ASB5: variants seen among roughly 807,000 people sequenced by gnomAD.
ASB5 encodes ankyrin repeat and SOCS box protein 5.
A neutral mutation model predicts 42.1 loss-of-function variants in ASB5; 45 were observed. The observed-to-expected ratio is 1.07, with a 90% confidence interval of 0.84 to 1.37. The LOEUF (loss-of-function observed/expected upper bound fraction) is 1.37, where lower values mean the gene tolerates loss of function less well. Among genes scored for constraint, ASB5 ranks in the 40% most tolerant of loss-of-function variants. ASB5 has a pLI of 0.00. For missense variants in ASB5, 402 were observed against 399.8 expected (o/e 1.01, Z -0.05); for synonymous variants, 147 against 150.6 (o/e 0.98, Z 0.18).
upstream of ASB5, among the ~76,000 whole-genome samples, chr4:176,273,415 C>G (rs1004879597): frequency 6.6e-6 from 1 of 151,964 alleles, no homozygotes; most frequent in Non-Finnish European, 1.5e-5. Context: ...TAAAACACTA[C>G]TGAAAACATA....
chr4:176,221,038 G>T, intron 5 of ASB5, 117 bp downstream of exon 5: 1 of 1,276,022 alleles, frequency 7.8e-7, no homozygotes, highest in Non-Finnish European at 1.0e-6. Flanking sequence ...GTGTGAAAAT[G>T]CTTAAAATAA....
intron 1 of ASB5, among the ~76,000 whole-genome samples, chr4:176,242,977 A>G (rs1042682310): frequency 5.3e-5 from 8 of 152,164 alleles, no homozygotes; most frequent in African/African-American, 1.7e-4. Flanking sequence ...CTGTTTTTGT[A>G]AATAAAGTTT....
At chr4:176,223,484 G>C (rs931288472) in intron 2 of ASB5, among the ~76,000 whole-genome samples, 1 of 152,140 alleles carries the variant, frequency 6.6e-6, no homozygotes, top group Admixed American at 6.5e-5. Context: ...ATTAGGATGT[G>C]AGATTGTTTG....
intron 1 of ASB5, among the ~76,000 whole-genome samples, chr4:176,276,655 TC>T (rs1247033637): frequency 8.5e-5 from 13 of 152,170 alleles, no homozygotes; most frequent in African/African-American, 3.1e-4. Flanking sequence ...ATAAAACATA[TC>T]CCACACTGGC....
chr4:176,238,218 A>C (rs1330855630), intron 1 of ASB5, among the ~76,000 whole-genome samples: 1 of 151,814 alleles, frequency 6.6e-6, no homozygotes, highest in Non-Finnish European at 1.5e-5. Flanking sequence ...AAAAAAAAAA[A>C]AAAAAAAAAG....
intron 1 of ASB5, among the ~76,000 whole-genome samples, chr4:176,228,596 A>C (rs1753441955): frequency 2.0e-5 from 3 of 152,170 alleles, no homozygotes; most frequent in South Asian, 4.1e-4. Flanking sequence ...TTTCATTTGC[A>C]ACAAGTTACT....
At chr4:176,244,405 T>G (rs4690671) in intron 1 of ASB5, among the ~76,000 whole-genome samples, 138,656 of 152,228 alleles carry the variant, frequency 0.91, 63,341 homozygotes, top group Non-Finnish European at 0.93. Context: ...CTATAGCACT[T>G]AATAAAAATA....
At chr4:176,256,536 TATGAG>T in intron 1 of ASB5, among the ~76,000 whole-genome samples, 1 of 152,228 alleles carries the variant, frequency 6.6e-6, no homozygotes. Flanking sequence ...TCAATGATTC[TATGAG>T]ATAATTCCAT....
chr4:176,233,797 A>T (rs1198524323), intron 1 of ASB5, among the ~76,000 whole-genome samples: 1 of 152,174 alleles, frequency 6.6e-6, no homozygotes, highest in African/African-American at 2.4e-5. Context: ...CCCCAATTTT[A>T]GGTTTGGCTG....
chr4:176,233,312 C>A (rs1309654063), intron 1 of ASB5, among the ~76,000 whole-genome samples: 1 of 152,136 alleles, frequency 6.6e-6, no homozygotes, highest in Non-Finnish European at 1.5e-5. Context: ...AATTTAGTAA[C>A]AATTATTACA....
chr4:176,253,471 T>C (rs565433365), intron 1 of ASB5, among the ~76,000 whole-genome samples: 1 of 152,218 alleles, frequency 6.6e-6, no homozygotes, highest in East Asian at 1.9e-4. Context: ...GCATTCCTGC[T>C]GAGAACTGGA....
upstream of ASB5, among the ~76,000 whole-genome samples, chr4:176,273,137 C>T (rs560791476): frequency 2.0e-5 from 3 of 151,782 alleles, no homozygotes; most frequent in Non-Finnish European, 4.4e-5. Context: ...GTCTGGTAGA[C>T]ATCTAAAGGC....
At chr4:176,248,928 G>A (rs558349152) in intron 1 of ASB5, among the ~76,000 whole-genome samples, 69 of 152,226 alleles carry the variant, frequency 4.5e-4, no homozygotes, top group Admixed American at 1.3e-3. Flanking sequence ...GTTCTATTTC[G>A]TGACTTGAAT....
chr4:176,273,585 C>T (rs1754513837), upstream of ASB5, among the ~76,000 whole-genome samples: 1 of 152,084 alleles, frequency 6.6e-6, no homozygotes, highest in Non-Finnish European at 1.5e-5. Flanking sequence ...AGATATTTAG[C>T]CACAAAAAGG....
chr4:176,219,204 G>T (rs1753094021), intron 5 of ASB5, among the ~76,000 whole-genome samples: 1 of 116,426 alleles, frequency 8.6e-6, no homozygotes, highest in Non-Finnish European at 1.6e-5. Context: ...ATATATATTT[G>T]TATGACAGAT....
intron 5 of ASB5, among the ~76,000 whole-genome samples, chr4:176,218,554 T>C (rs1389654271): frequency 9.1e-6 from 1 of 109,350 alleles, no homozygotes; most frequent in East Asian, 2.5e-4. Context: ...TTGTATGATA[T>C]ATATATTTGT....
chr4:176,263,939 C>T (rs1397819394), intron 1 of ASB5, among the ~76,000 whole-genome samples: 1 of 152,018 alleles, frequency 6.6e-6, no homozygotes, highest in Non-Finnish European at 1.5e-5. Context: ...CTTTTCCTAT[C>T]CAGGTTACAG....
rs1002760385 is a variant in ASB5 at position 176,222,229 on chromosome 4, A to G, written c.384+84T>C. 8 of 1,251,286 alleles carry G rather than the reference A, an allele frequency of 6.4e-6. No individual in the cohort carries two copies. In the Admixed American group the frequency reaches 1.7e-4, roughly 27 times the overall value. The allele number at this position is 1,251,286 out of a possible 1,614,324, so 77.5% of individuals were successfully genotyped here. A position where few individuals can be genotyped will look rare whatever the true frequency, so the allele number is the denominator to read the frequency against. On this transcript the variant is annotated intron_variant, in intron 3 of 6. Transcript: ENST00000296525. ...CTATTTTTGAAAACTACCGAGAATG[A>G]AGGAAAGAAAAGTAAAATGAGAACT...
chr4:176,256,927 A>G (rs1006104000), intron 1 of ASB5, among the ~76,000 whole-genome samples: 1 of 152,116 alleles, frequency 6.6e-6, no homozygotes, highest in African/African-American at 2.4e-5. Flanking sequence ...GAAAAGAAAA[A>G]CTATGTTTTG....
Sources: gnomAD v4.1 joint callset for allele counts (sites outside exome capture counted in the v4.1 genomes callset) on GRCh38, gnomAD v4.1.1 for gene constraint, MANE v1.5 for transcripts, NCBI Gene and HGNC (gene_info 2026-07-23, HGNC 2026-07-21) for gene names.